The following KCNN2 variants were observed in gnomAD, a reference collection of about 807,000 sequenced individuals.
KCNN2 encodes the protein potassium calcium-activated channel subfamily N member 2, also known as small conductance calcium-activated potassium channel protein 2.
KCNN2 carries 24 observed loss-of-function variants against 55.5 expected under a neutral mutation model. The observed-to-expected ratio is 0.43, with a 90% CI of 0.31 to 0.61. The LOEUF (loss-of-function observed/expected upper bound fraction) is 0.61. Among genes scored for constraint, KCNN2 ranks in the 20% least tolerant of loss-of-function variants. The probability of loss-of-function intolerance (pLI) is 0.08; values close to 1 mark genes in which losing one functional copy is unlikely to be tolerated. For synonymous variants in KCNN2, 431 were observed against 336.1 expected (o/e 1.28, Z -3.09); for missense variants, 754 against 853.6 (o/e 0.88, Z 1.45).
At chr5:114,213,532 T>A (rs10463440) in intron 1 of KCNN2, among the ~76,000 whole-genome samples, 23,714 of 151,956 alleles carry the variant, frequency 0.16, 2,282 homozygotes, top group East Asian at 0.53. Flanking sequence ...TCCTGAAATG[T>A]CTTTATGTTA....
chr5:114,425,622 C>A (rs1342371860), intron 3 of KCNN2, among the ~76,000 whole-genome samples: 1 of 152,160 alleles, frequency 6.6e-6, no homozygotes. Context: ...GCAGGAAAAA[C>A]ACACAAACAT....
intron 2 of KCNN2, among the ~76,000 whole-genome samples, chr5:114,334,958 C>T (rs1185182152): frequency 1.3e-5 from 2 of 152,072 alleles, no homozygotes; most frequent in Admixed American, 6.6e-5. Context: ...GAGTCTCGCT[C>T]TGTCGCCCAG....
chr5:114,242,404 A>G (rs1451747787), intron 2 of KCNN2, among the ~76,000 whole-genome samples: 1 of 152,138 alleles, frequency 6.6e-6, no homozygotes, highest in East Asian at 1.9e-4. Context: ...TGACCCAGAA[A>G]TCCTGTGTTG....
chr5:114,447,842 A>G (rs534072049), intron 3 of KCNN2, among the ~76,000 whole-genome samples: 1 of 152,368 alleles, frequency 6.6e-6, no homozygotes, highest in South Asian at 2.1e-4. Flanking sequence ...TTGCTTCTAC[A>G]GGTGAAAACC....
chr5:114,441,722 T>G (rs1004751380), intron 3 of KCNN2, among the ~76,000 whole-genome samples: 1 of 152,180 alleles, frequency 6.6e-6, no homozygotes. Flanking sequence ...CTCAGCAGGC[T>G]ATTACAGATA....
chr5:114,227,342 C>G (rs1754256737), intron 2 of KCNN2, among the ~76,000 whole-genome samples: 1 of 152,116 alleles, frequency 6.6e-6, no homozygotes, highest in South Asian at 2.1e-4. Context: ...TCTTCAACAC[C>G]TAGTTCAAAT....
At chr5:114,228,026 A>ATGG (rs1194731395) in intron 2 of KCNN2, among the ~76,000 whole-genome samples, 2 of 73,584 alleles carry the variant, frequency 2.7e-5, no homozygotes, top group East Asian at 4.7e-4. Context: ...GATGATGATG[A>ATGG]TGATGAAAGA....
intron 2 of KCNN2, among the ~76,000 whole-genome samples, chr5:114,332,906 G>A (rs1018241405): frequency 1.3e-5 from 2 of 152,020 alleles, no homozygotes; most frequent in African/African-American, 4.8e-5. Flanking sequence ...ATATAACCTG[G>A]GAAGGAGTCC....
intron 2 of KCNN2, among the ~76,000 whole-genome samples, chr5:114,279,794 T>A (rs927410379): frequency 3.3e-5 from 5 of 151,520 alleles, no homozygotes; most frequent in Non-Finnish European, 7.4e-5. Context: ...GCATGATTTA[T>A]AATCCTTTGG....
chr5:114,323,077 C>T (rs972157831), intron 2 of KCNN2, among the ~76,000 whole-genome samples: 2 of 152,178 alleles, frequency 1.3e-5, no homozygotes, highest in African/African-American at 4.8e-5. Flanking sequence ...TCTGTTTCTG[C>T]ATTAGTTTGC....
chr5:114,215,075 G>C (rs924910604), intron 1 of KCNN2, among the ~76,000 whole-genome samples: 2 of 152,098 alleles, frequency 1.3e-5, no homozygotes, highest in African/African-American at 4.8e-5. Flanking sequence ...TTGGTGACAA[G>C]AATGTTTTGC....
intron 1 of KCNN2, among the ~76,000 whole-genome samples, chr5:114,183,057 C>T (rs890688240): frequency 7.2e-5 from 11 of 151,904 alleles, no homozygotes; most frequent in African/African-American, 1.4e-4. Context: ...CCTGGCTTGT[C>T]GAGAGGATTT....
At chr5:114,357,930 T>A (rs1256259147), upstream of KCNN2, among the ~76,000 whole-genome samples, 1 of 150,656 alleles carries the variant, frequency 6.6e-6, no homozygotes, top group African/African-American at 2.4e-5. Context: ...TGTAAAAGTG[T>A]TCCTATTTCT....
intron 1 of KCNN2, among the ~76,000 whole-genome samples, chr5:114,079,511 A>G (rs1005754590): frequency 3.9e-5 from 6 of 152,162 alleles, no homozygotes; most frequent in Non-Finnish European, 7.3e-5. Flanking sequence ...TTCTAGCTCT[A>G]TGAGCCTTAG....
At chr5:114,320,507 G>A (rs958566864) in intron 2 of KCNN2, among the ~76,000 whole-genome samples, 1 of 151,958 alleles carries the variant, frequency 6.6e-6, no homozygotes, top group Non-Finnish European at 1.5e-5. Flanking sequence ...CTAGCTACTC[G>A]GGAGGCTGAG....
chr5:114,093,290 C>T (rs79893339), intron 1 of KCNN2, among the ~76,000 whole-genome samples: 4 of 152,148 alleles, frequency 2.6e-5, no homozygotes, highest in Admixed American at 6.5e-5. Flanking sequence ...TCTGAGACCA[C>T]CTCAGCCTGG....
At chr5:114,328,408 A>T (rs1162641764) in intron 2 of KCNN2, among the ~76,000 whole-genome samples, 1 of 152,148 alleles carries the variant, frequency 6.6e-6, no homozygotes, top group African/African-American at 2.4e-5. Context: ...AGGCATAGCC[A>T]TTGCCCTACT....
At chr5:114,238,530 G>A (rs1339839779) in intron 2 of KCNN2, among the ~76,000 whole-genome samples, 1 of 151,936 alleles carries the variant, frequency 6.6e-6, no homozygotes, top group South Asian at 2.1e-4. Flanking sequence ...GGGGACTGAG[G>A]CAGGAGAATC....
chr5:114,103,902 T>A (rs1189241305), intron 1 of KCNN2, among the ~76,000 whole-genome samples: 2 of 152,116 alleles, frequency 1.3e-5, no homozygotes, highest in African/African-American at 4.8e-5. Flanking sequence ...TTGTTGTGTC[T>A]TTGCCGGGTT....
Sources: allele counts gnomAD v4.1 joint callset (sites outside exome capture counted in the v4.1 genomes callset), GRCh38; gene constraint gnomAD v4.1.1; transcripts MANE v1.5; gene names NCBI Gene and HGNC (gene_info 2026-07-23, HGNC 2026-07-21).